HPSE2: variants seen among roughly 807,000 people sequenced by gnomAD.
The protein encoded by HPSE2 is inactive heparanase-2.
In HPSE2, 38 loss-of-function variants were observed where a neutral mutation model predicts 60.5. That is an observed-to-expected ratio of 0.63 (90% confidence interval 0.48 to 0.82). The LOEUF (loss-of-function observed/expected upper bound fraction) is 0.82. Among genes scored for constraint, HPSE2 ranks in the 40% least tolerant of loss-of-function variants. The probability of loss-of-function intolerance (pLI) is 0.00; values close to 1 mark genes in which losing one functional copy is unlikely to be tolerated. For missense variants in HPSE2, 713 were observed against 740.4 expected (o/e 0.96, Z 0.43); for synonymous variants, 295 against 293.2 (o/e 1.01, Z -0.06).
chr10:98,477,796 CT>C (rs577989020), intron 11 of HPSE2, among the ~76,000 whole-genome samples: 178 of 152,314 alleles, frequency 1.2e-3, no homozygotes, highest in African/African-American at 4.0e-3. Flanking sequence ...AGGAACTGGG[CT>C]GCACAGTAAA....
chr10:98,689,280 T>C (rs1040628636), intron 6 of HPSE2, among the ~76,000 whole-genome samples: 1 of 152,210 alleles, frequency 6.6e-6, no homozygotes, highest in African/African-American at 2.4e-5. Flanking sequence ...TTCATTTTTT[T>C]CCGCTACTTT....
At position 99,101,039 on chromosome 10, in the gene HPSE2, A is replaced by G. The variant is rs562671046; in HGVS notation, c.610+43199T>C. 2.6e-5 allele frequency among the ~76,000 whole-genome samples: 4 copies of G among 152,354 alleles called. No individual in the cohort carries two copies. The South Asian group carries it at 8.3e-4, about 32-fold the overall frequency. The stretch of plus-strand genomic sequence containing the variant: ...GTACCAGCCACTGCAAAAACATGCC[A>G]AATTGTAAAGACCATCGAGGCTAGG... On this transcript the variant is annotated intron_variant, in intron 3 of 11. Coordinates refer to ENST00000370552, the MANE Select transcript of HPSE2 (RefSeq NM_021828.5).
chr10:98,546,502 T>G (rs1038377616), intron 9 of HPSE2, among the ~76,000 whole-genome samples: 1 of 151,482 alleles, frequency 6.6e-6, no homozygotes, highest in African/African-American at 2.4e-5. Context: ...TAACGCCGCA[T>G]ACCTACAACT....
At chr10:98,914,205 TA>T (rs1451034412) in intron 3 of HPSE2, among the ~76,000 whole-genome samples, 1 of 152,124 alleles carries the variant, frequency 6.6e-6, no homozygotes, top group African/African-American at 2.4e-5. Context: ...GATGGTTCTA[TA>T]AGGGGGAGTT....
At chr10:99,231,276 T>C (rs1367155893) in intron 2 of HPSE2, among the ~76,000 whole-genome samples, 1 of 152,184 alleles carries the variant, frequency 6.6e-6, no homozygotes, top group Non-Finnish European at 1.5e-5. Context: ...AAGGACAAGA[T>C]ATAACAAAAT....
intron 3 of HPSE2, among the ~76,000 whole-genome samples, chr10:98,881,798 C>T (rs994985791): frequency 3.3e-5 from 5 of 152,036 alleles, no homozygotes; most frequent in Middle Eastern, 3.2e-3. Flanking sequence ...TTTCTATGTA[C>T]CAAACATTCT....
chr10:98,788,666 G>T (rs532075084), intron 3 of HPSE2, among the ~76,000 whole-genome samples: 59 of 152,114 alleles, frequency 3.9e-4, no homozygotes, highest in Non-Finnish European at 6.9e-4. Flanking sequence ...TTCTTAAGCC[G>T]GTCTGAAAAG....
At chr10:98,734,085 T>G (rs1184047094) in intron 4 of HPSE2, among the ~76,000 whole-genome samples, 1 of 152,230 alleles carries the variant, frequency 6.6e-6, no homozygotes, top group Non-Finnish European at 1.5e-5. Flanking sequence ...TTCTGGACAT[T>G]TCATATAAGG....
chr10:98,957,971 C>T (rs950939219), intron 3 of HPSE2, among the ~76,000 whole-genome samples: 4 of 152,078 alleles, frequency 2.6e-5, no homozygotes, highest in Non-Finnish European at 5.9e-5. Flanking sequence ...GGGGAGTGTT[C>T]ACATCTGCAG....
At chr10:98,958,591 C>T (rs1955568235) in intron 3 of HPSE2, among the ~76,000 whole-genome samples, 1 of 151,960 alleles carries the variant, frequency 6.6e-6, no homozygotes, top group Non-Finnish European at 1.5e-5. Context: ...ATTATTATAA[C>T]TGCTTTATAG....
intron 6 of HPSE2, among the ~76,000 whole-genome samples, chr10:98,690,628 AG>A (rs1323689754): frequency 2.6e-5 from 4 of 152,128 alleles, no homozygotes; most frequent in South Asian, 2.1e-4. Flanking sequence ...CTTCTTTCAA[AG>A]GTTGAATACT....
chr10:99,121,005 C>CAAT (rs1844930859), intron 3 of HPSE2, among the ~76,000 whole-genome samples: 1 of 152,122 alleles, frequency 6.6e-6, no homozygotes, highest in Non-Finnish European at 1.5e-5. Context: ...CACATACATG[C>CAAT]GTATGTTCAT....
Position 98,928,456 on chromosome 10 carries a change from A to G in HPSE2, c.611-184400T>C, listed in dbSNP as rs1197058911. 1.9e-5 allele frequency among the ~76,000 whole-genome samples: 2 copies of G among 103,136 alleles called. 1 individual carries two copies. The highest frequency in any genetic ancestry group is 3.9e-5 in the Non-Finnish European group (2 of 51,480). The allele number at this position is 103,136 out of a possible 152,430, so 67.7% of individuals were successfully genotyped here. A position where few individuals can be genotyped will look rare whatever the true frequency, so the allele number is the denominator to read the frequency against. Reference sequence around the variant, plus strand: ...CGATTCCTCAGGGATCTAGAACTAGAAATACCATTTGACCCAGCCATCCCA... The same window carrying G: ...CGATTCCTCAGGGATCTAGAACTAGGAATACCATTTGACCCAGCCATCCCA... On this transcript the variant is annotated intron_variant, in intron 3 of 11. Transcript: ENST00000370552.
chr10:98,749,947 T>TATATATATATATAGAC, intron 3 of HPSE2, among the ~76,000 whole-genome samples: 1 of 98,484 alleles, frequency 1.0e-5, no homozygotes, highest in Non-Finnish European at 2.2e-5. Flanking sequence ...TATATATATA[T>TATATATATATATAGAC]ACACACACAC....
At chr10:99,285,058 T>C in the HPSE2 span, among the ~76,000 whole-genome samples, 1 of 152,122 alleles carries the variant, frequency 6.6e-6, no homozygotes. Flanking sequence ...ATTTCAACTT[T>C]TATTTTAGAA....
chr10:99,181,791 T>C lies in HPSE2; in HGVS notation c.449-37392A>G, dbSNP rs576783155. On this transcript the variant is annotated intron_variant, in intron 2 of 11. Coordinates refer to ENST00000370552, the MANE Select transcript of HPSE2 (RefSeq NM_021828.5). ...AGACCTAATGTAGATGACAGGTTGATGGGTGCAGCAAACCACCATTGCACG... is the reference window on the plus strand; with the variant it reads ...AGACCTAATGTAGATGACAGGTTGACGGGTGCAGCAAACCACCATTGCACG... Among the ~76,000 whole-genome samples the C allele has an allele frequency of 9.2e-5, 14 of 152,156 alleles. No individual in the cohort carries two copies. In the South Asian group the frequency reaches 2.9e-3, roughly 32 times the overall value.
At chr10:98,588,857 A>G (rs191862500) in intron 9 of HPSE2, among the ~76,000 whole-genome samples, 1 of 152,002 alleles carries the variant, frequency 6.6e-6, no homozygotes, top group East Asian at 1.9e-4. Flanking sequence ...CTTAGTACCT[A>G]GATGGCATCT....
intron 3 of HPSE2, among the ~76,000 whole-genome samples, chr10:98,982,934 T>A (rs1413927685): frequency 6.6e-6 from 1 of 152,206 alleles, no homozygotes; most frequent in East Asian, 1.9e-4. Context: ...CAAGACTAGT[T>A]CGGGAGACAT....
intron 3 of HPSE2, among the ~76,000 whole-genome samples, chr10:98,907,501 C>T (rs1953856927): frequency 6.6e-6 from 1 of 152,128 alleles, no homozygotes; most frequent in Non-Finnish European, 1.5e-5. Context: ...ACAATACACA[C>T]AGTTTTCTTT....
Sources: allele counts gnomAD v4.1 joint callset (sites outside exome capture counted in the v4.1 genomes callset), GRCh38; gene constraint gnomAD v4.1.1; transcripts MANE v1.5; gene names NCBI Gene and HGNC (gene_info 2026-07-23, HGNC 2026-07-21).